The following NCOA3 variants were observed in gnomAD, a reference collection of about 807,000 sequenced individuals.
NCOA3 encodes CBP-interacting protein.
Under a neutral mutation model 158.8 loss-of-function variants are expected in NCOA3, and 51 were observed. That is an observed-to-expected ratio of 0.32 (90% confidence interval 0.26 to 0.41). NCOA3 has a LOEUF of 0.41. Ranked by LOEUF, NCOA3 falls within the 10% of genes least tolerant of loss-of-function variation. NCOA3 has a pLI of 1.00. For synonymous variants in NCOA3, 537 were observed against 592.4 expected, an observed-to-expected ratio of 0.91 and a Z score of 1.36; for missense variants, 1,510 against 1,746.6, an observed-to-expected ratio of 0.86 and a Z score of 2.41.
intron 1 of NCOA3, among the ~76,000 whole-genome samples, chr20:47,525,943 C>A (rs1319171136): frequency 3.0e-5 from 3 of 100,738 alleles, no homozygotes; most frequent in South Asian, 6.4e-4. Flanking sequence ...GGGGGGCTGA[C>A]CCCCCCACCT....
At chr20:47,630,317 A>G (rs2086392471) in intron 8 of NCOA3, 1 of 152,156 alleles carries the variant, frequency 6.6e-6, no homozygotes, top group Non-Finnish European at 1.5e-5. Context: ...ATTCAATATT[A>G]GTGCCTTTTA....
intron 1 of NCOA3, among the ~76,000 whole-genome samples, chr20:47,549,814 CCTTAGCTT>C (rs892683841): frequency 1.6e-4 from 24 of 152,238 alleles, no homozygotes; most frequent in African/African-American, 5.8e-4. Context: ...AATCCTCCCA[CCTTAGCTT>C]CTTAAATAGC....
chr20:47,505,003 GTTTTTT>G (rs1166777115), intron 1 of NCOA3, among the ~76,000 whole-genome samples: 2,896 of 28,462 alleles, frequency 0.1, 106 homozygotes, highest in Middle Eastern at 0.17. Context: ...TGGGTTTTTG[GTTTTTT>G]TTTTTTTTTT....
chr20:47,584,465 C>T (rs1285241712), intron 2 of NCOA3, among the ~76,000 whole-genome samples: 1 of 151,876 alleles, frequency 6.6e-6, no homozygotes, highest in Non-Finnish European at 1.5e-5. Context: ...ACTAAAAATA[C>T]AAAAATTAGC....
intron 1 of NCOA3, among the ~76,000 whole-genome samples, chr20:47,512,684 T>C (rs1343364518): frequency 1.3e-5 from 2 of 151,976 alleles, no homozygotes; most frequent in East Asian, 3.9e-4. Context: ...TTAGGGAAAC[T>C]GAAAACTACA....
chr20:47,602,550 A>G, intron 2 of NCOA3, among the ~76,000 whole-genome samples: 1 of 152,230 alleles, frequency 6.6e-6, no homozygotes, highest in East Asian at 1.9e-4. Context: ...TAATATATTT[A>G]TATGCAGATC....
intron 1 of NCOA3, among the ~76,000 whole-genome samples, chr20:47,536,814 T>C (rs905382668): frequency 6.6e-6 from 1 of 151,200 alleles, no homozygotes; most frequent in Non-Finnish European, 1.5e-5. Flanking sequence ...TCTTTTTTTT[T>C]TTTTTTTTTG....
At chr20:47,514,703 T>C (rs1248572921) in intron 1 of NCOA3, among the ~76,000 whole-genome samples, 2 of 150,704 alleles carry the variant, frequency 1.3e-5, no homozygotes, top group Non-Finnish European at 2.9e-5. Flanking sequence ...TTGTTTTGTT[T>C]TGTTTTTTGC....
chr20:47,628,409 CTTTTT>C (rs72374784), intron 8 of NCOA3: 7 of 139,164 alleles, frequency 5.0e-5, no homozygotes, highest in East Asian at 2.0e-4. Context: ...GGAGTAATTC[CTTTTT>C]TTTTTTTTTT....
In NCOA3 at chr20:47,625,427, T is replaced by G; in HGVS notation, c.303T>G (p.Ser101=). 3 of 1,613,904 alleles carry G rather than the reference T, an allele frequency of 1.9e-6. No individual in the cohort carries two copies. Among genetic ancestry groups the G allele is most frequent in the East Asian group, 2.2e-5 (1 of 44,844 alleles). Residue 101 remains serine (S), a synonymous_variant, in exon 5 of 23, where the codon TCT becomes TCG. Coordinates refer to ENST00000371998, the MANE Select transcript of NCOA3 (RefSeq NM_181659.3). ...ATGATGTTCAAAAAGCCGATGTATCTTCTACAGGGCAGGGAGTTATTGATA... is the reference window on the plus strand; with the variant it reads ...ATGATGTTCAAAAAGCCGATGTATCGTCTACAGGGCAGGGAGTTATTGATA... The part of the protein sequence containing the change: ...NDDDVQKADV[S]STGQGVIDKD...
At chr20:47,581,253 G>A (rs2085447775) in intron 1 of NCOA3, among the ~76,000 whole-genome samples, 2 of 152,196 alleles carry the variant, frequency 1.3e-5, no homozygotes, top group South Asian at 4.1e-4. Flanking sequence ...GTATGCATAT[G>A]CAAATATTTA....
Position 47,640,041 on chromosome 20 carries a change from A to C in NCOA3, c.3070A>C (p.Thr1024Pro). 1 of 1,614,158 alleles carries C rather than the reference A, an allele frequency of 6.2e-7. No individual in the cohort carries two copies. The highest frequency in any genetic ancestry group is 8.5e-7 in the Non-Finnish European group (1 of 1,180,036). Residue 1024 changes from threonine (T) to proline (P), a missense_variant, in exon 16 of 23, where the codon ACT (threonine) becomes CCT (proline). Coordinates refer to ENST00000371998, the MANE Select transcript of NCOA3 (RefSeq NM_181659.3). ...GTCCATGGAACAAGTTTCTCATGGCACTCAAAATAGGTGGGGTGTTATTTT... is the reference window on the plus strand; with the variant it reads ...GTCCATGGAACAAGTTTCTCATGGCCCTCAAAATAGGTGGGGTGTTATTTT... The part of the protein sequence containing the change: ...MLSMEQVSHG[T>P]QNRPLLRNSL...
intron 1 of NCOA3, among the ~76,000 whole-genome samples, chr20:47,510,996 A>G (rs150075615): frequency 1.3e-5 from 2 of 152,208 alleles, no homozygotes; most frequent in East Asian, 3.9e-4. Context: ...TCTTCCATGC[A>G]CAGACATACT....
At chr20:47,549,409 TTATC>T (rs1173170955) in intron 1 of NCOA3, among the ~76,000 whole-genome samples, 4 of 151,228 alleles carry the variant, frequency 2.6e-5, no homozygotes, top group Admixed American at 2.6e-4. Context: ...AAAAAAAAAT[TTATC>T]TGGGCACAGG....
chr20:47,520,435 G>A lies in NCOA3; in HGVS notation c.-99+18416G>A, dbSNP rs571799612. Among the ~76,000 whole-genome samples the A allele has an allele frequency of 5.3e-5, 8 of 152,302 alleles. 2 individuals carry two copies. The highest frequency in any genetic ancestry group is 1.9e-4 in the African/African-American group (8 of 41,558). On this transcript the variant is annotated intron_variant, in intron 1 of 22. Coordinates refer to ENST00000371998, the MANE Select transcript of NCOA3 (RefSeq NM_181659.3). The stretch of plus-strand genomic sequence containing the variant: ...TCCCCTAGGGGAGGAACCGGCAGGA[G>A]TGGAGCTACTCTTTCTTCCCCTGAG...
At chr20:47,620,612 C>T (rs146236414) in intron 2 of NCOA3, among the ~76,000 whole-genome samples, 1 of 152,162 alleles carries the variant, frequency 6.6e-6, no homozygotes, top group Non-Finnish European at 1.5e-5. Context: ...TATTCACTCA[C>T]TCATTATATA....
chr20:47,625,126 G>A (rs1443583043), intron 4 of NCOA3, among the ~76,000 whole-genome samples: 1 of 152,156 alleles, frequency 6.6e-6, no homozygotes, highest in Non-Finnish European at 1.5e-5. Flanking sequence ...TTATTTGGTA[G>A]TTCCTTTTCA....
At chr20:47,534,107 T>TG (rs202239860) in intron 1 of NCOA3, among the ~76,000 whole-genome samples, 1,504 of 35,722 alleles carry the variant, frequency 0.042, 21 homozygotes, top group African/African-American at 0.088. Context: ...ATGGTTTCAG[T>TG]GGGGGGGGCG....
rs181796056 is a variant in NCOA3, at chr20:47,558,106, C to G, written c.-98-25077C>G. Among the ~76,000 whole-genome samples the G allele has an allele frequency of 3.6e-3, 537 of 147,850 alleles. 5 individuals carry two copies. Among genetic ancestry groups the G allele is most frequent in the African/African-American group, 0.013 (507 of 39,986 alleles). Reference sequence around the variant, plus strand: ...GAGTCTGTCTCTTGTTGCCCAGGCTCGAGTGCAACGGCGCAATCTCGGCTC... The same window carrying G: ...GAGTCTGTCTCTTGTTGCCCAGGCTGGAGTGCAACGGCGCAATCTCGGCTC... On this transcript the variant is annotated intron_variant, in intron 1 of 22. Transcript: ENST00000371998.
Sources: allele counts gnomAD v4.1 joint callset (sites outside exome capture counted in the v4.1 genomes callset), GRCh38; gene constraint gnomAD v4.1.1; transcripts MANE v1.5; gene names NCBI Gene and HGNC (gene_info 2026-07-23, HGNC 2026-07-21).